PANK2: variants seen among roughly 807,000 people sequenced by gnomAD.
The protein encoded by PANK2 is pantothenate kinase 2, mitochondrial.
In PANK2, 36 loss-of-function variants were observed where a neutral mutation model predicts 43.1. That is an observed-to-expected ratio of 0.84 (90% confidence interval 0.64 to 1.10). The LOEUF (loss-of-function observed/expected upper bound fraction) is 1.10. PANK2 is among the 50% of genes least tolerant of loss of function. The probability of loss-of-function intolerance (pLI) is 0.00; values close to 1 mark genes in which losing one functional copy is unlikely to be tolerated. For synonymous variants in PANK2, 281 were observed against 238.2 expected, an observed-to-expected ratio of 1.18 and a Z score of -1.66; for missense variants, 576 against 593.3, an observed-to-expected ratio of 0.97 and a Z score of 0.30.
In PANK2 at chr20:3,889,600, C is replaced by T. The variant is rs770995652; in HGVS notation, c.170C>T (p.Ala57Val). The T allele has an allele frequency of 9.2e-6, 14 of 1,515,748 alleles. No homozygotes were observed. In the South Asian group the frequency reaches 1.3e-4, roughly 14 times the overall value. The allele number at this position is 1,515,748 out of a possible 1,614,324, so 93.9% of individuals were successfully genotyped here. A position where few individuals can be genotyped will look rare whatever the true frequency, so the allele number is the denominator to read the frequency against. The change falls in exon 1 of 7, where the codon GCG becomes GTG. Residue 57 changes from alanine to valine, a missense_variant. This residue lies in a region of PANK2 where 544 missense variants were observed against 528.9 expected (regional missense o/e 1.03). Coordinates refer to ENST00000610179, the MANE Select transcript of PANK2 (RefSeq NM_001386393.1). ...CGGCAGGAGCCACTGCGGCGCCGGG[C>T]GAGCAGCGCGTCGGTGCCCGCGGTC...
intron 1 of PANK2, among the ~76,000 whole-genome samples, chr20:3,890,833 A>G (rs1272771452): frequency 6.6e-6 from 1 of 152,110 alleles, no homozygotes; most frequent in Non-Finnish European, 1.5e-5. Flanking sequence ...GTCTTTTTCC[A>G]TCTTCTTGCA....
chr20:3,915,615 G>A (rs1331615663), intron 4 of PANK2, among the ~76,000 whole-genome samples: 1 of 152,076 alleles, frequency 6.6e-6, no homozygotes, highest in Non-Finnish European at 1.5e-5. Context: ...CTTATATTTA[G>A]CTCTTATATT....
intron 4 of PANK2, among the ~76,000 whole-genome samples, chr20:3,914,346 C>T (rs1037377600): frequency 4.6e-5 from 7 of 151,992 alleles, no homozygotes; most frequent in African/African-American, 7.2e-5. Flanking sequence ...GGCAGGGTCT[C>T]GCCCTGTTGC....
chr20:3,927,186 ATCAC>A lies in PANK2; in HGVS notation c.*3896_*3899del, dbSNP rs1204082437. ...AGGAAGGGCAGGGGCTTCCATCACA[ATCAC>A]TCAGTACTAGTTACCAGCTCTGATA... On this transcript the variant is annotated 3_prime_UTR_variant, in exon 7 of 7. Transcript: ENST00000610179. 1 of 152,104 alleles carries A rather than the reference ATCAC, an allele frequency of 6.6e-6. No individual in the cohort carries two copies. The highest frequency in any genetic ancestry group is 1.5e-5 in the Non-Finnish European group (1 of 68,094). The allele number at this position is 152,104 out of a possible 1,614,324, so 9.4% of individuals were successfully genotyped here. A position where few individuals can be genotyped will look rare whatever the true frequency, so the allele number is the denominator to read the frequency against.
In PANK2 at chr20:3,929,446, G is replaced by C. The variant is rs138373960; in HGVS notation, c.*6152G>C. On this transcript the variant is annotated 3_prime_UTR_variant, in exon 7 of 7. Transcript: ENST00000610179. ...GGGAGTAGCTCCATGAACTGACGCT[G>C]GACATTCAGGCATATCCACATGAGA... The C allele has an allele frequency of 6.6e-6, 1 of 152,264 alleles. No homozygotes were observed. 9.4% of individuals were successfully genotyped at this position (152,264 alleles called of 1,614,324 possible).
At chr20:3,922,109 G>C (rs746534175) in intron 6 of PANK2, among the ~76,000 whole-genome samples, 1 of 152,246 alleles carries the variant, frequency 6.6e-6, no homozygotes, top group Non-Finnish European at 1.5e-5. Context: ...GAAAGATAGA[G>C]TGGTAGTTAT....
At chr20:3,914,012 A>G (rs568993755) in intron 4 of PANK2, among the ~76,000 whole-genome samples, 1 of 151,208 alleles carries the variant, frequency 6.6e-6, no homozygotes, top group South Asian at 2.1e-4. Context: ...GATGGTCTCG[A>G]TCTGCTGACC....
chr20:3,898,959 C>T (rs1304668336), intron 1 of PANK2, among the ~76,000 whole-genome samples: 1 of 151,790 alleles, frequency 6.6e-6, no homozygotes, highest in Non-Finnish European at 1.5e-5. Context: ...ACTGCACCCT[C>T]TGCCTCCCGG....
chr20:3,905,162 TGACTGCAC>T (rs1360865056), intron 1 of PANK2, among the ~76,000 whole-genome samples: 4 of 79,816 alleles, frequency 5.0e-5, no homozygotes, highest in Non-Finnish European at 8.9e-5. Flanking sequence ...CCATCGCTTG[TGACTGCAC>T]CACTGCACCA....
At position 3,908,174 on chromosome 20, in the gene PANK2, C is replaced by T; in HGVS notation, c.547C>T (p.Pro183Ser). 1 of 1,614,156 alleles carries T rather than the reference C, an allele frequency of 6.2e-7. No homozygotes were observed. Among genetic ancestry groups the T allele is most frequent in the Non-Finnish European group, 8.5e-7 (1 of 1,180,024 alleles). Residue 183 changes from proline to serine, a missense_variant, in exon 2 of 7, where the codon CCT becomes TCT. Coordinates refer to ENST00000610179, the MANE Select transcript of PANK2 (RefSeq NM_001386393.1). ...TATACGCTTTCCCACTCATGACATGCCTGCTTTTATTCAAATGGGCAGAGA... is the reference window on the plus strand; with the variant it reads ...TATACGCTTTCCCACTCATGACATGTCTGCTTTTATTCAAATGGGCAGAGA...
intron 4 of PANK2, among the ~76,000 whole-genome samples, chr20:3,913,778 A>AT (rs200498807): frequency 1.5e-5 from 2 of 130,676 alleles, no homozygotes; most frequent in Non-Finnish European, 3.2e-5. Context: ...ACACACACAT[A>AT]TATATATATA....
upstream of PANK2, chr20:3,889,062 C>G (rs1232936402): frequency 2.0e-6 from 3 of 1,479,964 alleles, no homozygotes; most frequent in Admixed American, 2.1e-5. Flanking sequence ...CCCGGGGGGG[C>G]AGAGGCATGC....
At chr20:3,891,996 T>G (rs2090130193) in intron 1 of PANK2, among the ~76,000 whole-genome samples, 1 of 152,220 alleles carries the variant, frequency 6.6e-6, no homozygotes, top group Admixed American at 6.5e-5. Context: ...CTGATTGTTC[T>G]TCCTTCCATT....
At chr20:3,896,297 CT>C (rs1258712505) in intron 1 of PANK2, among the ~76,000 whole-genome samples, 7 of 143,866 alleles carry the variant, frequency 4.9e-5, no homozygotes, top group African/African-American at 7.8e-5. Context: ...CCAGGATGGT[CT>C]CTATCTCCTG....
At position 3,912,446 on chromosome 20, in the gene PANK2, T is replaced by A. The variant is rs1354281131; in HGVS notation, c.906-12T>A. ...AATGTTATAATACTGTGTTAATTGTTTTTAATCATAGTCTTGGAGGAGGAA... is the reference window on the plus strand; with the variant it reads ...AATGTTATAATACTGTGTTAATTGTATTTAATCATAGTCTTGGAGGAGGAA... On this transcript the variant is annotated splice_polypyrimidine_tract_variant and intron_variant, in intron 3 of 6. Transcript: ENST00000610179. The A allele has an allele frequency of 6.2e-7, 1 of 1,613,614 alleles. No individual in the cohort carries two copies. The highest frequency in any genetic ancestry group is 8.5e-7 in the Non-Finnish European group (1 of 1,179,506).
rs1313573040 is a variant in PANK2, at chr20:3,889,400, T to G, written c.-31T>G. On this transcript the variant is annotated 5_prime_UTR_variant, in exon 1 of 7. Coordinates refer to ENST00000610179, the MANE Select transcript of PANK2 (RefSeq NM_001386393.1). ...GGGCGCGCCTCTGCTCTGGCTGGAC[T>G]GCCGCGGAGGAGGCGAGAAGGAATC... is the stretch of plus-strand genomic sequence containing the variant. 7 of 1,573,378 alleles carry G rather than the reference T, an allele frequency of 4.4e-6. No homozygotes were observed. The Admixed American group carries it at 5.6e-5, about 13-fold the overall frequency.
intron 1 of PANK2, among the ~76,000 whole-genome samples, chr20:3,892,118 C>G (rs1207446797): frequency 6.6e-6 from 1 of 152,038 alleles, no homozygotes; most frequent in East Asian, 1.9e-4. Context: ...GGTGGATCAC[C>G]TGAGGTCAGG....
chr20:3,923,366 T>TA lies in PANK2; in HGVS notation c.*73dup. The TA allele has an allele frequency of 6.7e-7, 1 of 1,488,922 alleles. No homozygotes were observed. Among genetic ancestry groups the TA allele is most frequent in the Non-Finnish European group, 9.4e-7 (1 of 1,066,354 alleles). The allele number at this position is 1,488,922 out of a possible 1,614,324, so 92.2% of individuals were successfully genotyped here. ...TGGACTTTCATTTTTTTAAGAGACT[T>TA]ACTCAATTTCATGACTGTACTACCT... is the stretch of plus-strand genomic sequence containing the variant. On this transcript the variant is annotated 3_prime_UTR_variant, in exon 7 of 7. Coordinates refer to ENST00000610179, the MANE Select transcript of PANK2 (RefSeq NM_001386393.1).
At chr20:3,912,399 A>C in intron 3 of PANK2, 59 bp from the exon 4 acceptor site, 1 of 1,574,324 alleles carries the variant, frequency 6.4e-7, no homozygotes, top group Non-Finnish European at 8.7e-7. Flanking sequence ...ATAAATGTTA[A>C]CTTCTTGTTC....
Sources: gnomAD v4.1 joint callset for allele counts (sites outside exome capture counted in the v4.1 genomes callset) on GRCh38, gnomAD v4.1.1 for gene constraint, gnomAD v4.1.1 regional missense constraint, MANE v1.5 for transcripts, NCBI Gene and HGNC (gene_info 2026-07-23, HGNC 2026-07-21) for gene names.